TNFSF4: variants seen among roughly 807,000 people sequenced by gnomAD.
TNFSF4 encodes TNF superfamily member 4, also known as tumor necrosis factor ligand superfamily member 4.
Under a neutral mutation model 7.3 loss-of-function variants are expected in TNFSF4, and 4 were observed. The ratio of observed to expected loss-of-function variants is 0.55; its 90% CI spans 0.27 to 1.25. TNFSF4 has a LOEUF of 1.25. Among genes scored for constraint, TNFSF4 ranks in the 50% most tolerant of loss-of-function variants. The probability of loss-of-function intolerance (pLI) is 0.12; values close to 1 mark genes in which losing one functional copy is unlikely to be tolerated. For missense variants in TNFSF4, 181 were observed against 208.8 expected (o/e 0.87, Z 0.82); for synonymous variants, 76 against 83.7 (o/e 0.91, Z 0.50).
intron 1 of TNFSF4, among the ~76,000 whole-genome samples, chr1:173,195,417 A>G (rs1245438120): frequency 6.6e-6 from 1 of 152,224 alleles, no homozygotes. Flanking sequence ...CCCATGGACA[A>G]GTACAAAGCA....
the TNFSF4 span, among the ~76,000 whole-genome samples, chr1:173,257,712 A>G: frequency 2.0e-5 from 3 of 152,208 alleles, no homozygotes; most frequent in Non-Finnish European, 4.4e-5. Flanking sequence ...TCCCCATGGA[A>G]TTAGGGTAGA....
At chr1:173,284,182 A>C in the TNFSF4 span, among the ~76,000 whole-genome samples, 1 of 152,198 alleles carries the variant, frequency 6.6e-6, no homozygotes, top group Non-Finnish European at 1.5e-5. Flanking sequence ...CAGAAGTCCC[A>C]GAAGGTAAGT....
At chr1:173,319,604 G>A in the TNFSF4 span, among the ~76,000 whole-genome samples, 10,811 of 152,278 alleles carry the variant, frequency 0.071, 438 homozygotes, top group Middle Eastern at 0.12. Context: ...TCATACAGGA[G>A]AGTTCCATCT....
At chr1:173,364,952 G>A in the TNFSF4 span, among the ~76,000 whole-genome samples, 184 of 151,948 alleles carry the variant, frequency 1.2e-3, no homozygotes, top group African/African-American at 3.9e-3. Context: ...GTTCAAGAAC[G>A]CTAACAAGCC....
the TNFSF4 span, among the ~76,000 whole-genome samples, chr1:173,430,140 C>T: frequency 7.2e-5 from 11 of 152,174 alleles, no homozygotes; most frequent in African/African-American, 2.4e-4. Flanking sequence ...CGCAATGGAA[C>T]GCGGGGTCTA....
At chr1:173,441,227 T>C in the TNFSF4 span, among the ~76,000 whole-genome samples, 1 of 152,134 alleles carries the variant, frequency 6.6e-6, no homozygotes, top group Non-Finnish European at 1.5e-5. Context: ...TCCTCCCTAC[T>C]TGCTTCTTTT....
At chr1:173,372,065 C>T in the TNFSF4 span, among the ~76,000 whole-genome samples, 1 of 152,206 alleles carries the variant, frequency 6.6e-6, no homozygotes, top group Non-Finnish European at 1.5e-5. Flanking sequence ...ATCACTTGAA[C>T]TTTCTAGCTA....
At chr1:173,415,031 G>T in the TNFSF4 span, among the ~76,000 whole-genome samples, 1 of 152,068 alleles carries the variant, frequency 6.6e-6, no homozygotes, top group Admixed American at 6.5e-5. Flanking sequence ...ACCTAATCAA[G>T]TTCCTGTTAG....
At chr1:173,238,974 G>T in the TNFSF4 span, among the ~76,000 whole-genome samples, 2 of 152,132 alleles carry the variant, frequency 1.3e-5, no homozygotes, top group African/African-American at 2.4e-5. Flanking sequence ...CTCCAATTCT[G>T]CCACTTTGTG....
chr1:173,325,470 G>A, the TNFSF4 span, among the ~76,000 whole-genome samples: 1 of 152,024 alleles, frequency 6.6e-6, no homozygotes, highest in African/African-American at 2.4e-5. Context: ...AGAAGCAAGA[G>A]CAAACACATT....
At chr1:173,308,285 C>CTCTCTCTCTCTCTG in the TNFSF4 span, among the ~76,000 whole-genome samples, 6 of 135,058 alleles carry the variant, frequency 4.4e-5, no homozygotes, top group African/African-American at 1.4e-4. Flanking sequence ...CTCTCTCTCT[C>CTCTCTCTCTCTCTG]TGTGTGTGTG....
At chr1:173,271,611 T>G in the TNFSF4 span, among the ~76,000 whole-genome samples, 6 of 152,114 alleles carry the variant, frequency 3.9e-5, no homozygotes, top group Non-Finnish European at 5.9e-5. Flanking sequence ...TCATCATCAC[T>G]GGCCATCAGA....
chr1:173,430,556 CT>C, the TNFSF4 span, among the ~76,000 whole-genome samples: 4 of 152,134 alleles, frequency 2.6e-5, no homozygotes, highest in African/African-American at 9.7e-5. Context: ...TTGTTGCTTT[CT>C]TTTTTGTTGC....
At chr1:173,388,305 C>T in the TNFSF4 span, among the ~76,000 whole-genome samples, 7 of 152,164 alleles carry the variant, frequency 4.6e-5, no homozygotes, top group African/African-American at 1.7e-4. Flanking sequence ...TAAATGTGTA[C>T]ATTTATATAT....
the TNFSF4 span, among the ~76,000 whole-genome samples, chr1:173,432,231 G>A: frequency 2.6e-5 from 4 of 152,160 alleles, no homozygotes; most frequent in Non-Finnish European, 4.4e-5. Flanking sequence ...ACAGCCACCC[G>A]AGTCCAAAAC....
chr1:173,253,023 A>G, the TNFSF4 span, among the ~76,000 whole-genome samples: 5,656 of 152,198 alleles, frequency 0.037, 156 homozygotes, highest in East Asian at 0.13. Context: ...ATTTAGGAAT[A>G]TTTTCAGGTT....
At chr1:173,211,455 C>T (rs1039453957), upstream of TNFSF4, among the ~76,000 whole-genome samples, 3 of 152,114 alleles carry the variant, frequency 2.0e-5, no homozygotes, top group Non-Finnish European at 4.4e-5. Context: ...CTCCTCTTTG[C>T]CATTCCTATT....
chr1:173,179,162 T>A (rs1163748082), downstream of TNFSF4, among the ~76,000 whole-genome samples: 2 of 152,194 alleles, frequency 1.3e-5, no homozygotes. Context: ...TTCGTGGTAA[T>A]TTTTTACAGC....
chr1:173,428,495 G>C, the TNFSF4 span, among the ~76,000 whole-genome samples: 1 of 152,264 alleles, frequency 6.6e-6, no homozygotes, highest in Admixed American at 6.5e-5. Flanking sequence ...AGAGAAAAAG[G>C]AACCAACTAT....
Sources: gnomAD v4.1 joint callset for allele counts (sites outside exome capture counted in the v4.1 genomes callset) on GRCh38, gnomAD v4.1.1 for gene constraint, MANE v1.5 for transcripts, NCBI Gene and HGNC (gene_info 2026-07-23, HGNC 2026-07-21) for gene names.